Variants in LPAR1 observed in about 807,000 individuals in gnomAD.
LPAR1 encodes the protein LPA receptor 1.
A neutral mutation model predicts 23.8 loss-of-function variants in LPAR1; 5 were observed. That is an observed-to-expected ratio of 0.21 (90% CI 0.11 to 0.44). The LOEUF is 0.44. Among genes scored for constraint, LPAR1 ranks in the 20% least tolerant of loss-of-function variants. LPAR1 has a pLI of 0.99. For missense variants in LPAR1, 311 were observed against 482.8 expected (o/e 0.64, Z 3.33); for synonymous variants, 160 against 164.7 (o/e 0.97, Z 0.22).
chr9:110,971,772 T>C (rs1264079647), intron 4 of LPAR1, among the ~76,000 whole-genome samples: 2 of 108,504 alleles, frequency 1.8e-5, no homozygotes, highest in Non-Finnish European at 3.4e-5. Context: ...AGCAGCAGGG[T>C]TTACTACTGA....
At chr9:110,876,420 A>G (rs1425709304) in intron 5 of LPAR1, among the ~76,000 whole-genome samples, 2 of 152,200 alleles carry the variant, frequency 1.3e-5, no homozygotes, top group African/African-American at 4.8e-5. Flanking sequence ...TTCAACAACT[A>G]CCCACATAGT....
intron 2 of LPAR1, among the ~76,000 whole-genome samples, chr9:111,001,314 A>G (rs1000095751): frequency 2.0e-5 from 3 of 152,224 alleles, no homozygotes; most frequent in African/African-American, 7.2e-5. Flanking sequence ...AATGCTAAGG[A>G]CCAAAATAGC....
intron 4 of LPAR1, 84 bp from the exon 5 acceptor site, chr9:110,942,252 AG>A (rs1245115438): frequency 3.2e-5 from 38 of 1,178,682 alleles, no homozygotes; most frequent in Non-Finnish European, 4.6e-5. Flanking sequence ...AGACTTTTAT[AG>A]TACATGCAAC....
intron 2 of LPAR1, among the ~76,000 whole-genome samples, chr9:111,016,411 C>G (rs532643317): frequency 1.3e-5 from 2 of 152,130 alleles, no homozygotes; most frequent in African/African-American, 4.8e-5. Context: ...GAAACTTGAC[C>G]TGAACAAATA....
chr9:110,946,183 G>C (rs2095369922), intron 4 of LPAR1, among the ~76,000 whole-genome samples: 1 of 152,058 alleles, frequency 6.6e-6, no homozygotes, highest in Admixed American at 6.6e-5. Context: ...AAAAGAGTCA[G>C]AGATGACAAG....
At chr9:110,984,096 C>T (rs996052825) in intron 2 of LPAR1, among the ~76,000 whole-genome samples, 1 of 151,940 alleles carries the variant, frequency 6.6e-6, no homozygotes, top group Non-Finnish European at 1.5e-5. Flanking sequence ...AGCACTTATC[C>T]TTTCTTTGTG....
chr9:111,029,435 T>A (rs1031805685), intron 2 of LPAR1, among the ~76,000 whole-genome samples: 1 of 152,066 alleles, frequency 6.6e-6, no homozygotes, highest in Admixed American at 6.5e-5. Flanking sequence ...AGCTTCGAGA[T>A]TGGTCCCACC....
At chr9:110,935,842 C>T (rs967538469) in intron 5 of LPAR1, among the ~76,000 whole-genome samples, 2 of 152,208 alleles carry the variant, frequency 1.3e-5, no homozygotes, top group Non-Finnish European at 2.9e-5. Flanking sequence ...AACCCTTCAT[C>T]GTCTCCCAAC....
At chr9:111,002,602 A>G (rs541192609) in intron 2 of LPAR1, among the ~76,000 whole-genome samples, 2 of 152,350 alleles carry the variant, frequency 1.3e-5, no homozygotes, top group African/African-American at 4.8e-5. Context: ...ATGGGAGGTA[A>G]TGAGGATGAA....
Position 110,895,982 on chromosome 9 carries a change from A to G in LPAR1, c.794-20260T>C, listed in dbSNP as rs2086199295. On this transcript the variant is annotated intron_variant, in intron 5 of 5. Coordinates refer to ENST00000683809, the MANE Select transcript of LPAR1 (RefSeq NM_001351411.2). ...TTTCGTATTCATTTCTTAGTCAAAA[A>G]TCTTAATCAGATCAGGCTTACAGAG... Among the ~76,000 whole-genome samples, 3 of 152,178 alleles carry G rather than the reference A, an allele frequency of 2.0e-5. No individual in the cohort carries two copies. The South Asian group carries it at 6.2e-4, about 32-fold the overall frequency.
At chr9:110,970,996 G>T (rs899358476) in intron 4 of LPAR1, among the ~76,000 whole-genome samples, 2 of 152,088 alleles carry the variant, frequency 1.3e-5, no homozygotes, top group African/African-American at 4.8e-5. Context: ...TTAGCTGGGC[G>T]TGGTGGCGGG....
chr9:110,931,110 C>T (rs12001343), intron 5 of LPAR1, among the ~76,000 whole-genome samples: 2,929 of 152,170 alleles, frequency 0.019, 93 homozygotes, highest in African/African-American at 0.067. Context: ...TTGAATATTT[C>T]ATTCAATTCA....
rs533705893 is a variant in LPAR1, at chr9:111,004,647, C to T, written c.-181-31089G>A. Reference sequence around the variant, plus strand: ...GATTCTTATCCAACTTTGTGATAGCCTTTTCTCAAGCTTCTTTGCAGGATC... The same window carrying T: ...GATTCTTATCCAACTTTGTGATAGCTTTTTCTCAAGCTTCTTTGCAGGATC... On this transcript the variant is annotated intron_variant, in intron 2 of 5. Coordinates refer to ENST00000683809, the MANE Select transcript of LPAR1 (RefSeq NM_001351411.2). 9.9e-5 allele frequency among the ~76,000 whole-genome samples: 15 copies of T among 152,220 alleles called. No homozygotes were observed. In the South Asian group the frequency reaches 2.9e-3, roughly 29 times the overall value.
intron 2 of LPAR1, among the ~76,000 whole-genome samples, chr9:110,991,253 A>C (rs1349908083): frequency 2.0e-5 from 3 of 152,176 alleles, no homozygotes; most frequent in Non-Finnish European, 4.4e-5. Context: ...TTGTCAACAT[A>C]CTTTCCCAAA....
chr9:110,878,027 G>C (rs920153139), intron 5 of LPAR1, among the ~76,000 whole-genome samples: 2 of 152,152 alleles, frequency 1.3e-5, no homozygotes, highest in African/African-American at 4.8e-5. Context: ...CTGAAGGCAG[G>C]AAGTGGGAAA....
At chr9:110,892,868 T>C (rs6477793) in intron 5 of LPAR1, among the ~76,000 whole-genome samples, 77,448 of 102,350 alleles carry the variant, frequency 0.76, 28,028 homozygotes, top group African/African-American at 0.81. Context: ...CAGGCAGGCA[T>C]GCAGGCAGGC....
chr9:111,019,397 GA>G (rs1440360028), intron 2 of LPAR1, among the ~76,000 whole-genome samples: 4 of 152,100 alleles, frequency 2.6e-5, no homozygotes, highest in African/African-American at 9.7e-5. Flanking sequence ...AATACTTTAA[GA>G]TGTGTTCACT....
chr9:111,031,420 AAAAGAAAAAG>A (rs1235929170), intron 2 of LPAR1, among the ~76,000 whole-genome samples: 4 of 149,812 alleles, frequency 2.7e-5, no homozygotes, highest in Non-Finnish European at 4.4e-5. Context: ...AAAAAAAAAG[AAAAGAAAAAG>A]AAAGAAGAAG....
At chr9:110,945,833 T>C (rs1200277696) in intron 4 of LPAR1, among the ~76,000 whole-genome samples, 3 of 152,156 alleles carry the variant, frequency 2.0e-5, no homozygotes, top group East Asian at 3.9e-4. Context: ...TAGTCAGGTC[T>C]TTCTCACATG....
Sources: allele counts gnomAD v4.1 joint callset (sites outside exome capture counted in the v4.1 genomes callset), GRCh38; gene constraint gnomAD v4.1.1; transcripts MANE v1.5; gene names NCBI Gene and HGNC (gene_info 2026-07-23, HGNC 2026-07-21).